Variants in AKR1A1 observed in about 807,000 individuals in gnomAD.
The protein encoded by AKR1A1 is HEL-S-165mP.
AKR1A1 carries 26 observed loss-of-function variants against 39.2 expected under a neutral mutation model. The observed-to-expected ratio is 0.66, with a 90% CI of 0.49 to 0.92. AKR1A1 has a LOEUF of 0.92. Ranked by LOEUF, AKR1A1 falls within the 40% of genes least tolerant of loss-of-function variation. The probability of loss-of-function intolerance (pLI) is 0.00; values close to 1 mark genes in which losing one functional copy is unlikely to be tolerated. For missense variants in AKR1A1, 378 were observed against 406.5 expected, an observed-to-expected ratio of 0.93 and a Z score of 0.60; for synonymous variants, 141 against 155.5, an observed-to-expected ratio of 0.91 and a Z score of 0.69.
At position 45,565,615 on chromosome 1, in the gene AKR1A1, A is replaced by G. The variant is rs556193109; in HGVS notation, c.85-954A>G. Among the ~76,000 whole-genome samples the G allele has an allele frequency of 1.3e-3, 197 of 151,674 alleles. 1 individual carries two copies. Among genetic ancestry groups the G allele is most frequent in the African/African-American group, 4.6e-3 (191 of 41,320 alleles). On this transcript the variant is annotated intron_variant, in intron 2 of 8. Coordinates refer to ENST00000351829, the MANE Select transcript of AKR1A1 (RefSeq NM_153326.3). ...CAGCCTCCTGAGTAGCTGGGACTACAGGCATATGCCACCATGCACAGCTAA... is the reference window on the plus strand; with the variant it reads ...CAGCCTCCTGAGTAGCTGGGACTACGGGCATATGCCACCATGCACAGCTAA...
intron 4 of AKR1A1, chr1:45,567,242 C>A (rs1320748980): frequency 3.4e-6 from 2 of 583,848 alleles, no homozygotes; most frequent in African/African-American, 3.7e-5. Context: ...TGGTGTGTAC[C>A]CCAGGGTATG....
chr1:45,569,313 G>T (rs1644386004), intron 8 of AKR1A1, 84 bp downstream of exon 8: 6 of 1,112,410 alleles, frequency 5.4e-6, no homozygotes, highest in Non-Finnish European at 8.2e-6. Flanking sequence ...AGGCTTGCTG[G>T]TTGTGAGAAG....
chr1:45,566,626 G>A lies in AKR1A1; in HGVS notation c.142G>A (p.Ala48Thr). The A allele has an allele frequency of 6.2e-7, 1 of 1,614,260 alleles. No homozygotes were observed. Among genetic ancestry groups the A allele is most frequent in the Non-Finnish European group, 8.5e-7 (1 of 1,180,044 alleles). Residue 48 changes from alanine (A) to threonine (T), a missense_variant, in exon 3 of 9, where the codon GCT becomes ACT. Physicochemically the swap from Ala to Thr is moderately conservative, Grantham distance 58. Transcript: ENST00000351829. ...SVGYRHIDCA[A>T]IYGNEPEIGE... ...AGGCTACCGCCACATTGATTGTGCT[G>A]CTATCTACGGCAATGAGCCTGAGAT...
intron 1 of AKR1A1, among the ~76,000 whole-genome samples, chr1:45,553,827 A>G (rs1376353597): frequency 1.3e-5 from 2 of 151,548 alleles, no homozygotes; most frequent in East Asian, 3.9e-4. Context: ...CCCTGTCTCT[A>G]CTAAAAAATA....
intron 1 of AKR1A1, among the ~76,000 whole-genome samples, chr1:45,558,223 G>A (rs1173388889): frequency 6.7e-6 from 1 of 149,694 alleles, no homozygotes; most frequent in Admixed American, 6.7e-5. Context: ...GCCTCAACTT[G>A]TCTTATTATT....
rs558572739 is a variant in AKR1A1 at position 45,559,752 on chromosome 1, T to A, written c.-6-2037T>A. 4.2e-5 allele frequency among the ~76,000 whole-genome samples: 6 copies of A among 144,218 alleles called. No homozygotes were observed. The East Asian group carries it at 1.3e-3, about 32-fold the overall frequency. The allele number at this position is 144,218 out of a possible 152,430, so 94.6% of individuals were successfully genotyped here. On this transcript the variant is annotated intron_variant, in intron 1 of 8. Coordinates refer to ENST00000351829, the MANE Select transcript of AKR1A1 (RefSeq NM_153326.3). The stretch of plus-strand genomic sequence containing the variant: ...TCCGCCTCCCGGGTTCAAGCAATTC[T>A]CCTGCCTCAGCCTCCCAAGTAAGTA...
chr1:45,564,325 G>A (rs1260069137), intron 2 of AKR1A1, among the ~76,000 whole-genome samples: 5 of 152,132 alleles, frequency 3.3e-5, no homozygotes, highest in African/African-American at 4.8e-5. Flanking sequence ...GGGGAAGTAC[G>A]TCGGCACCCG....
At chr1:45,566,501 C>A (rs1159067300) in intron 2 of AKR1A1, 68 bp from the exon 3 acceptor site, 7 of 1,597,352 alleles carry the variant, frequency 4.4e-6, no homozygotes, top group South Asian at 1.1e-5. Context: ...CCAGCATTGA[C>A]CTTGGGGTGG....
intron 1 of AKR1A1, among the ~76,000 whole-genome samples, chr1:45,555,650 TG>T (rs1188752584): frequency 6.6e-6 from 1 of 152,202 alleles, no homozygotes; most frequent in Non-Finnish European, 1.5e-5. Context: ...CCCAGGATTT[TG>T]GTATCTGAAG....
At chr1:45,568,452 C>A in intron 5 of AKR1A1, 33 bp from the exon 6 acceptor site, 1 of 1,611,382 alleles carries the variant, frequency 6.2e-7, no homozygotes, top group South Asian at 1.1e-5. Context: ...TGGGTGTCAC[C>A]ACTTCATGGT....
intron 2 of AKR1A1, among the ~76,000 whole-genome samples, chr1:45,562,327 C>A (rs1004760590): frequency 1.8e-4 from 26 of 147,918 alleles, no homozygotes; most frequent in African/African-American, 6.0e-4. Context: ...CAAAGGTCAG[C>A]AAATTTTTTT....
chr1:45,566,510 G>A (rs754352599), intron 2 of AKR1A1, 59 bp from the exon 3 acceptor site: 13 of 1,604,524 alleles, frequency 8.1e-6, no homozygotes, highest in East Asian at 6.7e-5. Flanking sequence ...ACCTTGGGGT[G>A]GTGACAGTAG....
At chr1:45,562,814 A>G (rs972002917) in intron 2 of AKR1A1, among the ~76,000 whole-genome samples, 1 of 151,864 alleles carries the variant, frequency 6.6e-6, no homozygotes, top group Non-Finnish European at 1.5e-5. Context: ...CCGGCCACAA[A>G]CTATTTTTTA....
intron 1 of AKR1A1, among the ~76,000 whole-genome samples, chr1:45,553,838 C>CA (rs976938176): frequency 2.0e-5 from 3 of 150,902 alleles, no homozygotes; most frequent in African/African-American, 7.3e-5. Context: ...CTAAAAAATA[C>CA]AAAAAAATTA....
At chr1:45,568,770 G>A (rs1371768328) in intron 6 of AKR1A1, 86 bp downstream of exon 6, 14 of 1,561,814 alleles carry the variant, frequency 9.0e-6, no homozygotes, top group East Asian at 6.7e-5. Context: ...TGAGGCTGAG[G>A]ATCTTGCCTT....
intron 4 of AKR1A1, chr1:45,567,298 G>A: frequency 2.5e-6 from 1 of 407,806 alleles, no homozygotes; most frequent in Non-Finnish European, 4.4e-6. Context: ...AAAAGGTGCT[G>A]ACTTTTCTGT....
At chr1:45,562,417 C>T (rs183753784) in intron 2 of AKR1A1, among the ~76,000 whole-genome samples, 208 of 150,612 alleles carry the variant, frequency 1.4e-3, no homozygotes, top group Non-Finnish European at 2.5e-3. Context: ...TCTTGGCTCA[C>T]GGCAGCCTTG....
In AKR1A1 at chr1:45,561,816, C is replaced by T; in HGVS notation, c.22C>T (p.Leu8=). 6.2e-7 allele frequency: 1 copy of T among 1,614,168 alleles called. No homozygotes were observed. The highest frequency in any genetic ancestry group is 8.5e-7 in the Non-Finnish European group (1 of 1,180,022). The change falls in exon 2 of 9, where the codon CTG becomes TTG. Residue 8 remains leucine (L), a synonymous_variant. Coordinates refer to ENST00000351829, the MANE Select transcript of AKR1A1 (RefSeq NM_153326.3). MAASCVL[L]HTGQKMPLIG... The stretch of plus-strand genomic sequence containing the variant: ...GGCAATGGCGGCTTCCTGTGTTCTA[C>T]TGCACACTGGGCAGAAGATGCCTCT...
At position 45,561,865 on chromosome 1, in the gene AKR1A1, G is replaced by A. The variant is rs1644282182; in HGVS notation, c.71G>A (p.Ser24Asn). Reference sequence around the variant, plus strand: ...CTGATTGGTCTGGGTACCTGGAAGAGTGAGCCTGGTCAGGTGAGGGATGGG... The same window carrying A: ...CTGATTGGTCTGGGTACCTGGAAGAATGAGCCTGGTCAGGTGAGGGATGGG... Reference protein sequence around the residue: ...MPLIGLGTWKSEPGQVKAAVK... With the variant: ...MPLIGLGTWKNEPGQVKAAVK... Residue 24 changes from serine to asparagine, a missense_variant, in exon 2 of 9, where the codon AGT becomes AAT. Physicochemically the swap from Ser to Asn is conservative, Grantham distance 46 (BLOSUM62 1). Coordinates refer to ENST00000351829, the MANE Select transcript of AKR1A1 (RefSeq NM_153326.3). The A allele has an allele frequency of 1.2e-6, 2 of 1,614,154 alleles. No individual in the cohort carries two copies. The highest frequency in any genetic ancestry group is 2.7e-5 in the African/African-American group (2 of 75,068).
Sources: allele counts gnomAD v4.1 joint callset (sites outside exome capture counted in the v4.1 genomes callset), GRCh38; gene constraint gnomAD v4.1.1; transcripts MANE v1.5; gene names NCBI Gene and HGNC (gene_info 2026-07-23, HGNC 2026-07-21).